The following KCNH8 variants were observed in gnomAD, a reference collection of about 807,000 sequenced individuals.
KCNH8 encodes potassium voltage-gated channel subfamily H member 8, also known as voltage-gated delayed rectifier potassium channel KCNH8.
In KCNH8, 70 loss-of-function variants were observed where a neutral mutation model predicts 103.6. The observed-to-expected ratio is 0.68, with a 90% confidence interval of 0.56 to 0.82. KCNH8 has a LOEUF of 0.82. Among genes scored for constraint, KCNH8 ranks in the 40% least tolerant of loss-of-function variants. The pLI is 0.00. For synonymous variants in KCNH8, 498 were observed against 489.4 expected (o/e 1.02, Z -0.23); for missense variants, 1,217 against 1,329.9 (o/e 0.92, Z 1.32).
At position 19,521,092 on chromosome 3, in the gene KCNH8, A is replaced by G. The variant is rs371001399; in HGVS notation, c.2619+3018A>G. Among the ~76,000 whole-genome samples, 6 of 152,076 alleles carry G rather than the reference A, an allele frequency of 3.9e-5. No individual in the cohort carries two copies. In the East Asian group the frequency reaches 5.8e-4, roughly 15 times the overall value. Reference sequence around the variant, plus strand: ...CTTTGAAAATTACAAAAATGTCACAATAGGGCCATGGGCTGTGTAAGTCAA... The same window carrying G: ...CTTTGAAAATTACAAAAATGTCACAGTAGGGCCATGGGCTGTGTAAGTCAA... On this transcript the variant is annotated intron_variant, in intron 15 of 15. Coordinates refer to ENST00000328405, the MANE Select transcript of KCNH8 (RefSeq NM_144633.3).
At chr3:19,383,772 A>C (rs886115632) in intron 5 of KCNH8, among the ~76,000 whole-genome samples, 2 of 152,194 alleles carry the variant, frequency 1.3e-5, no homozygotes, top group African/African-American at 4.8e-5. Flanking sequence ...GCATGATTGA[A>C]TATTATAGAT....
At chr3:19,513,857 C>G (rs1008607473) in intron 13 of KCNH8, among the ~76,000 whole-genome samples, 2 of 152,110 alleles carry the variant, frequency 1.3e-5, no homozygotes, top group African/African-American at 4.8e-5. Context: ...TTAAAAATCA[C>G]TTTAGAATCC....
At chr3:19,240,756 A>G (rs1469283027) in intron 1 of KCNH8, among the ~76,000 whole-genome samples, 1 of 152,184 alleles carries the variant, frequency 6.6e-6, no homozygotes, top group Non-Finnish European at 1.5e-5. Flanking sequence ...TTTTTGTTCC[A>G]TCTCATAAGA....
chr3:19,522,368 C>A (rs991891402), intron 15 of KCNH8, among the ~76,000 whole-genome samples: 1 of 150,818 alleles, frequency 6.6e-6, no homozygotes, highest in African/African-American at 2.4e-5. Context: ...GCTTGGGACT[C>A]AAAAAGAGCT....
chr3:19,229,800 T>A (rs962633210), intron 1 of KCNH8, among the ~76,000 whole-genome samples: 2 of 152,236 alleles, frequency 1.3e-5, no homozygotes, highest in Non-Finnish European at 2.9e-5. Context: ...TCCTGCCTTC[T>A]TCTGAGCCCT....
chr3:19,182,524 C>T (rs1343192384), intron 1 of KCNH8, among the ~76,000 whole-genome samples: 1 of 152,168 alleles, frequency 6.6e-6, no homozygotes, highest in African/African-American at 2.4e-5. Flanking sequence ...GAGCGAGACT[C>T]CGTCCCCCCA....
At chr3:19,291,785 T>C (rs2064930944) in intron 3 of KCNH8, among the ~76,000 whole-genome samples, 1 of 152,202 alleles carries the variant, frequency 6.6e-6, no homozygotes, top group Non-Finnish European at 1.5e-5. Context: ...CTGAGTTCAA[T>C]TCCTGGATAT....
chr3:19,156,088 T>C (rs1474053614), intron 1 of KCNH8, among the ~76,000 whole-genome samples: 1 of 152,230 alleles, frequency 6.6e-6, no homozygotes, highest in Non-Finnish European at 1.5e-5. Flanking sequence ...GAGAGAATAC[T>C]GGACTGCCTT....
At chr3:19,402,458 A>G (rs190715213) in intron 7 of KCNH8, among the ~76,000 whole-genome samples, 1 of 152,038 alleles carries the variant, frequency 6.6e-6, no homozygotes, top group Non-Finnish European at 1.5e-5. Context: ...ATCACTGGTG[A>G]GCGTAAATAA....
chr3:19,451,147 T>C lies in KCNH8; in HGVS notation c.1576-8T>C. 1.2e-6 allele frequency: 2 copies of C among 1,613,434 alleles called. No homozygotes were observed. The highest frequency in any genetic ancestry group is 1.7e-6 in the Non-Finnish European group (2 of 1,179,446). On this transcript the variant is annotated splice_region_variant and splice_polypyrimidine_tract_variant and intron_variant, in intron 9 of 15. Transcript: ENST00000328405. ...CAATTTGATTTCCTCCTTCATCTTC[T>C]CTGACAGCTTTTGAAAGACTTTCCA...
intron 11 of KCNH8, among the ~76,000 whole-genome samples, chr3:19,488,348 G>A (rs1027130656): frequency 6.6e-6 from 1 of 152,168 alleles, no homozygotes; most frequent in African/African-American, 2.4e-5. Context: ...CCTGGTGTTC[G>A]GCTTTCTCAG....
chr3:19,243,816 G>T (rs1220793265), intron 1 of KCNH8, among the ~76,000 whole-genome samples: 1 of 152,048 alleles, frequency 6.6e-6, no homozygotes, highest in East Asian at 1.9e-4. Flanking sequence ...AAATTAAAAA[G>T]AAATATTCTT....
At chr3:19,282,894 C>T (rs1427558134) in intron 3 of KCNH8, among the ~76,000 whole-genome samples, 1 of 151,970 alleles carries the variant, frequency 6.6e-6, no homozygotes, top group Non-Finnish European at 1.5e-5. Context: ...TTTGATGAAA[C>T]TAATAAAGGA....
intron 1 of KCNH8, among the ~76,000 whole-genome samples, chr3:19,202,188 G>T (rs1365704204): frequency 2.0e-5 from 3 of 152,114 alleles, no homozygotes; most frequent in African/African-American, 4.8e-5. Context: ...GCTTAGGCCG[G>T]TCCTGGCTTA....
chr3:19,283,498 AC>A (rs1479343605), intron 3 of KCNH8, among the ~76,000 whole-genome samples: 1 of 152,148 alleles, frequency 6.6e-6, no homozygotes, highest in Non-Finnish European at 1.5e-5. Flanking sequence ...ATTTATCTCA[AC>A]ATTATCTCAT....
At chr3:19,173,649 C>A (rs2063370020) in intron 1 of KCNH8, among the ~76,000 whole-genome samples, 4 of 152,068 alleles carry the variant, frequency 2.6e-5, no homozygotes, top group Admixed American at 2.6e-4. Flanking sequence ...CACACACACA[C>A]ATCCACAAAT....
chr3:19,234,262 G>A (rs1332948463), intron 1 of KCNH8, among the ~76,000 whole-genome samples: 1 of 152,192 alleles, frequency 6.6e-6, no homozygotes, highest in Non-Finnish European at 1.5e-5. Context: ...GGAGCTGCCT[G>A]CCAGTCCCGC....
chr3:19,375,158 G>A (rs1461955379), intron 5 of KCNH8, among the ~76,000 whole-genome samples: 1 of 151,944 alleles, frequency 6.6e-6, no homozygotes, highest in Non-Finnish European at 1.5e-5. Context: ...GGCCTGCCTT[G>A]CTAGATTGGG....
chr3:19,253,976 C>T, intron 2 of KCNH8, 89 bp downstream of exon 2: 2 of 846,154 alleles, frequency 2.4e-6, no homozygotes, highest in South Asian at 3.1e-5. Context: ...CCCATTAAGG[C>T]TTAATGGCAT....
Sources: allele counts gnomAD v4.1 joint callset (sites outside exome capture counted in the v4.1 genomes callset), GRCh38; gene constraint gnomAD v4.1.1; transcripts MANE v1.5; gene names NCBI Gene and HGNC (gene_info 2026-07-23, HGNC 2026-07-21).